Variants in TBC1D14 observed in about 807,000 individuals in gnomAD.
TBC1D14 encodes TBC1 domain family member 14.
In TBC1D14, 26 loss-of-function variants were observed where a neutral mutation model predicts 79.0. That is an observed-to-expected ratio of 0.33 (90% CI 0.24 to 0.46). The LOEUF is 0.46. TBC1D14 is among the 20% of genes least tolerant of loss of function. TBC1D14 has a pLI of 1.00. For missense variants in TBC1D14, 769 were observed against 887.6 expected (o/e 0.87, Z 1.70); for synonymous variants, 394 against 349.9 (o/e 1.13, Z -1.40).
Position 7,032,758 on chromosome 4 carries a change from G to A in TBC1D14, c.*2366G>A, listed in dbSNP as rs981357451. The A allele has an allele frequency of 7.2e-5, 11 of 152,134 alleles. No homozygotes were observed. The highest frequency in any genetic ancestry group is 1.7e-4 in the African/African-American group (7 of 41,424). 9.4% of individuals were successfully genotyped at this position (152,134 alleles called of 1,614,324 possible). A position where few individuals can be genotyped will look rare whatever the true frequency, so the allele number is the denominator to read the frequency against. Reference sequence around the variant, plus strand: ...AGTAAACTGGAAATGAGACATTGACGTGCTGCTCCTCCAGAGGTCTGCACA... The same window carrying A: ...AGTAAACTGGAAATGAGACATTGACATGCTGCTCCTCCAGAGGTCTGCACA... On this transcript the variant is annotated 3_prime_UTR_variant, in exon 14 of 14. Transcript: ENST00000409757.
chr4:6,972,347 A>G (rs374800179), intron 3 of TBC1D14, among the ~76,000 whole-genome samples: 1 of 152,188 alleles, frequency 6.6e-6, no homozygotes, highest in Non-Finnish European at 1.5e-5. Context: ...ACCTGTTTCA[A>G]GTGACTGTCA....
rs1717954934 is a variant in TBC1D14, at chr4:6,987,268, G to T, written c.844-6916G>T. ...GCGTCCGCCCGCCCGCCCGCGGTCC[G>T]GGAGGGAGGGAGGGAGGCCGGCCCT... On this transcript the variant is annotated intron_variant, in intron 3 of 13. Coordinates refer to ENST00000409757, the MANE Select transcript of TBC1D14 (RefSeq NM_020773.3). 12 of 1,293,100 alleles carry T rather than the reference G, an allele frequency of 9.3e-6. No individual in the cohort carries two copies. In the South Asian group the frequency reaches 2.0e-4, roughly 22 times the overall value. 80.1% of individuals were successfully genotyped at this position (1,293,100 alleles called of 1,614,324 possible). A position where few individuals can be genotyped will look rare whatever the true frequency, so the allele number is the denominator to read the frequency against.
chr4:7,029,774 G>A (rs911315792), intron 13 of TBC1D14, among the ~76,000 whole-genome samples: 6 of 152,180 alleles, frequency 3.9e-5, no homozygotes, highest in African/African-American at 9.6e-5. Flanking sequence ...ACAGTGAGCC[G>A]AGATGGCGCC....
chr4:6,925,854 C>T (rs949898154), intron 2 of TBC1D14, among the ~76,000 whole-genome samples: 2 of 152,096 alleles, frequency 1.3e-5, no homozygotes, highest in African/African-American at 4.8e-5. Flanking sequence ...ACACCTGGTA[C>T]CCGTTCCACG....
intron 3 of TBC1D14, among the ~76,000 whole-genome samples, chr4:6,977,655 C>T (rs1353648980): frequency 6.8e-6 from 1 of 147,530 alleles, no homozygotes; most frequent in African/African-American, 2.5e-5. Context: ...TGCCCGGCCG[C>T]CATCCCATCT....
At chr4:6,937,042 C>T (rs1712405829) in intron 2 of TBC1D14, among the ~76,000 whole-genome samples, 1 of 152,150 alleles carries the variant, frequency 6.6e-6, no homozygotes, top group Non-Finnish European at 1.5e-5. Context: ...CTCAGCCTCC[C>T]TAGTAGCTGG....
At chr4:6,988,370 T>C (rs1344605068) in intron 3 of TBC1D14, among the ~76,000 whole-genome samples, 4 of 152,216 alleles carry the variant, frequency 2.6e-5, no homozygotes, top group African/African-American at 4.8e-5. Flanking sequence ...CTGGTTCTCA[T>C]TTAATCTTCA....
At chr4:6,954,524 C>T (rs560867999) in intron 2 of TBC1D14, among the ~76,000 whole-genome samples, 1 of 152,294 alleles carries the variant, frequency 6.6e-6, no homozygotes, top group East Asian at 1.9e-4. Flanking sequence ...TCTCTGAGTG[C>T]CCGAGCTCCC....
chr4:7,024,836 A>G (rs140684142), intron 12 of TBC1D14, among the ~76,000 whole-genome samples, 168 bp from the exon 13 acceptor site: 1 of 152,248 alleles, frequency 6.6e-6, no homozygotes, highest in African/African-American at 2.4e-5. Flanking sequence ...CTGTGTCCTG[A>G]GCGATGTTAG....
chr4:6,929,204 T>G (rs1465121077), intron 2 of TBC1D14, among the ~76,000 whole-genome samples: 1 of 152,152 alleles, frequency 6.6e-6, no homozygotes, highest in African/African-American at 2.4e-5. Flanking sequence ...AGGCAGGTGC[T>G]CAGTCTCTCT....
intron 1 of TBC1D14, among the ~76,000 whole-genome samples, chr4:6,916,210 G>A (rs932184922): frequency 2.2e-4 from 34 of 151,872 alleles, no homozygotes; most frequent in South Asian, 8.3e-4. Context: ...GAAGGTGAGC[G>A]CACCACCCTT....
chr4:6,993,561 ACAT>A (rs1226313483), intron 3 of TBC1D14, among the ~76,000 whole-genome samples: 2 of 152,168 alleles, frequency 1.3e-5, no homozygotes, highest in African/African-American at 4.8e-5. Flanking sequence ...AAGAGAGAAA[ACAT>A]GCCTGTTACC....
At chr4:7,018,684 C>T (rs1490466629) in intron 12 of TBC1D14, among the ~76,000 whole-genome samples, 1 of 152,242 alleles carries the variant, frequency 6.6e-6, no homozygotes, top group East Asian at 1.9e-4. Context: ...CACCGCCTTC[C>T]TGGCCGTTCT....
chr4:6,942,388 G>A lies in TBC1D14; in HGVS notation c.722+18277G>A, dbSNP rs371793349. ...TTTTGCTGATTCTTTGTTGTGAATA[G>A]CTGTGGTTTATCTCAAGAATCCTGT... On this transcript the variant is annotated intron_variant, in intron 2 of 13. Transcript: ENST00000409757. Among the ~76,000 whole-genome samples, 50 of 152,268 alleles carry A rather than the reference G, an allele frequency of 3.3e-4. 2 individuals carry two copies. In the Middle Eastern group the frequency reaches 0.01, roughly 31 times the overall value.
At chr4:6,947,719 C>T (rs985016162) in intron 2 of TBC1D14, among the ~76,000 whole-genome samples, 2 of 150,856 alleles carry the variant, frequency 1.3e-5, no homozygotes, top group Admixed American at 6.6e-5. Flanking sequence ...GTTTACTTTT[C>T]CCCTCCTGTA....
chr4:6,948,344 C>T (rs947434386), intron 2 of TBC1D14, among the ~76,000 whole-genome samples: 4 of 152,182 alleles, frequency 2.6e-5, no homozygotes, highest in South Asian at 2.1e-4. Context: ...TGGACTCATC[C>T]ATTATGCCCT....
At position 7,030,469 on chromosome 4, in the gene TBC1D14, C is replaced by T. The variant is rs773299834; in HGVS notation, c.*77C>T. The T allele has an allele frequency of 8.1e-6, 12 of 1,479,660 alleles. No homozygotes were observed. The highest frequency in any genetic ancestry group is 2.3e-5 in the East Asian group (1 of 43,356). The allele number at this position is 1,479,660 out of a possible 1,614,324, so 91.7% of individuals were successfully genotyped here. On this transcript the variant is annotated 3_prime_UTR_variant, in exon 14 of 14. Transcript: ENST00000409757. Reference sequence around the variant, plus strand: ...CCCTCTGTTGTTTCAGACTGACACCCGGGCAGCCGAGAAGAACAGACGCTC... The same window carrying T: ...CCCTCTGTTGTTTCAGACTGACACCTGGGCAGCCGAGAAGAACAGACGCTC...
In TBC1D14 at chr4:6,996,027, C is replaced by T. The variant is rs938012400; in HGVS notation, c.963-298C>T. 1.2e-4 allele frequency among the ~76,000 whole-genome samples: 18 copies of T among 145,586 alleles called. 1 individual carries two copies. The highest frequency in any genetic ancestry group is 8.3e-4 in the Admixed American group (12 of 14,380). ...AATTTTTTGTATTTTTTAGTAGAGA[C>T]GGGTTTCACCATGTTAGCCAGGATG... On this transcript the variant is annotated intron_variant, in intron 4 of 13. Coordinates refer to ENST00000409757, the MANE Select transcript of TBC1D14 (RefSeq NM_020773.3).
intron 2 of TBC1D14, among the ~76,000 whole-genome samples, chr4:6,926,999 C>T (rs1724342914): frequency 6.6e-6 from 1 of 152,098 alleles, no homozygotes; most frequent in Non-Finnish European, 1.5e-5. Flanking sequence ...ACAGTGTAGT[C>T]TAGGAGAACA....
Sources: allele counts gnomAD v4.1 joint callset (sites outside exome capture counted in the v4.1 genomes callset), GRCh38; gene constraint gnomAD v4.1.1; transcripts MANE v1.5; gene names NCBI Gene and HGNC (gene_info 2026-07-23, HGNC 2026-07-21).